Variants in PCLO observed in about 807,000 individuals in gnomAD.
PCLO encodes piccolo presynaptic cytomatrix protein.
In PCLO, 82 loss-of-function variants were observed where a neutral mutation model predicts 427.5. The observed-to-expected ratio is 0.19, with a 90% CI of 0.16 to 0.23. The LOEUF is 0.23. Ranked by LOEUF, PCLO falls within the 10% of genes least tolerant of loss-of-function variation. The pLI is 1.00. For missense variants in PCLO, 6,239 were observed against 6,115.9 expected, an observed-to-expected ratio of 1.02 and a Z score of -0.67; for synonymous variants, 2,357 against 2,155.4, an observed-to-expected ratio of 1.09 and a Z score of -2.59.
intron 10 of PCLO, among the ~76,000 whole-genome samples, chr7:82,863,398 A>T (rs1213118251): frequency 6.6e-6 from 1 of 151,988 alleles, no homozygotes; most frequent in African/African-American, 2.4e-5. Context: ...ATTTCATAAA[A>T]AGTGCAAATA....
intron 3 of PCLO, among the ~76,000 whole-genome samples, chr7:83,030,476 C>T (rs192360196): frequency 3.5e-4 from 53 of 152,266 alleles, no homozygotes; most frequent in Non-Finnish European, 5.1e-4. Context: ...GTAAATGACT[C>T]TACCCTTAAT....
intron 14 of PCLO, 83 bp downstream of exon 14, chr7:82,841,376 C>T (rs1304003274): frequency 6.2e-6 from 5 of 805,168 alleles, no homozygotes; most frequent in East Asian, 2.5e-5. Flanking sequence ...AAAATCCTAA[C>T]AGTGTGTTTA....
At chr7:83,118,832 A>G (rs1162812289) in intron 3 of PCLO, among the ~76,000 whole-genome samples, 1 of 152,188 alleles carries the variant, frequency 6.6e-6, no homozygotes, top group Non-Finnish European at 1.5e-5. Context: ...TGCTAGGCTC[A>G]GAACAGTGGA....
At chr7:82,879,924 ATTAT>A (rs1485856440) in intron 9 of PCLO, 8 of 417,914 alleles carry the variant, frequency 1.9e-5, no homozygotes, top group African/African-American at 6.3e-5. Flanking sequence ...TAATTTATAA[ATTAT>A]TTATTTTTCA....
At chr7:83,105,561 G>A (rs1790833318) in intron 3 of PCLO, among the ~76,000 whole-genome samples, 1 of 152,134 alleles carries the variant, frequency 6.6e-6, no homozygotes, top group Non-Finnish European at 1.5e-5. Context: ...TTCCCAAGCA[G>A]AGTGCCAATG....
intron 22 of PCLO, among the ~76,000 whole-genome samples, chr7:82,786,547 G>A (rs531759907): frequency 1.4e-4 from 21 of 152,052 alleles, no homozygotes; most frequent in Non-Finnish European, 2.5e-4. Context: ...ATTCTAGATC[G>A]TATTTTGCAA....
chr7:82,794,255 T>C (rs7799607), intron 22 of PCLO, among the ~76,000 whole-genome samples: 54,574 of 151,594 alleles, frequency 0.36, 10,416 homozygotes, highest in African/African-American at 0.46. Context: ...TTGTTTTCTT[T>C]AGTTTAAAGA....
At chr7:82,798,669 A>G (rs553851654) in intron 22 of PCLO, among the ~76,000 whole-genome samples, 2 of 152,238 alleles carry the variant, frequency 1.3e-5, no homozygotes, top group South Asian at 4.1e-4. Flanking sequence ...ATATTATTGC[A>G]GTTTTCTTCT....
chr7:83,072,253 AACC>A (rs1347568242), intron 3 of PCLO, among the ~76,000 whole-genome samples: 1 of 152,090 alleles, frequency 6.6e-6, no homozygotes, highest in East Asian at 1.9e-4. Flanking sequence ...TCAACATGAA[AACC>A]ACTTAAGTAT....
chr7:82,812,328 C>T (rs190417487), intron 20 of PCLO, among the ~76,000 whole-genome samples: 1 of 151,430 alleles, frequency 6.6e-6, no homozygotes, highest in Admixed American at 6.6e-5. Context: ...ACTAATAGCA[C>T]GGTATAGAGG....
chr7:83,145,718 C>G (rs929420538), intron 2 of PCLO, among the ~76,000 whole-genome samples: 1 of 152,148 alleles, frequency 6.6e-6, no homozygotes, highest in Non-Finnish European at 1.5e-5. Context: ...TGTTTACCTA[C>G]AATTTTAATT....
Position 82,950,019 on chromosome 7 carries a change from C to A in PCLO, c.10569G>T (p.Glu3523Asp), listed in dbSNP as rs368491340. The change falls in exon 6 of 25, where the codon GAG becomes GAT. Residue 3523 changes from glutamate to aspartate, a missense_variant. Transcript: ENST00000333891. ...VSSIAVQTVA[E>D]ISVQTEPVGT... is the part of the protein sequence containing the mutation. ...CAACTGGTTCAGTTTGCACAGATAT[C>A]TCTGCTACCGTTTGAACTGCTATGC... 1.4e-5 allele frequency: 22 copies of A among 1,613,058 alleles called. No homozygotes were observed. Among genetic ancestry groups the A allele is most frequent in the Non-Finnish European group, 1.7e-5 (20 of 1,179,762 alleles).
intron 3 of PCLO, among the ~76,000 whole-genome samples, chr7:83,015,870 C>G (rs1473444119): frequency 1.3e-5 from 2 of 152,090 alleles, no homozygotes; most frequent in African/African-American, 4.8e-5. Flanking sequence ...TCCTAAAGAA[C>G]ATATGTTTTT....
At chr7:83,160,754 T>C (rs1343503005) in intron 1 of PCLO, among the ~76,000 whole-genome samples, 1 of 152,124 alleles carries the variant, frequency 6.6e-6, no homozygotes, top group East Asian at 1.9e-4. Context: ...AAGTTAGAAA[T>C]CTAGAAATCA....
At position 83,155,339 on chromosome 7, in the gene PCLO, A is replaced by C. The variant is rs774616204; in HGVS notation, c.1302T>G (p.Pro434=). 1.2e-6 allele frequency: 2 copies of C among 1,613,488 alleles called. No homozygotes were observed. Residue 434 remains proline, a synonymous_variant, in exon 2 of 25, where the codon CCT becomes CCG. Coordinates refer to ENST00000333891, the MANE Select transcript of PCLO (RefSeq NM_033026.6). ...QPGLQSPAKA[P]GPTKTPVQQP... is the part of the protein sequence containing the mutation. ...GCTGAACTGGAGTCTTTGTAGGCCCAGGTGCCTTAGCTGGAGACTGTAGCC... is the reference window on the plus strand; with the variant it reads ...GCTGAACTGGAGTCTTTGTAGGCCCCGGTGCCTTAGCTGGAGACTGTAGCC...
chr7:82,785,451 C>T (rs1790965635), intron 22 of PCLO, among the ~76,000 whole-genome samples: 1 of 152,066 alleles, frequency 6.6e-6, no homozygotes, highest in Non-Finnish European at 1.5e-5. Flanking sequence ...TTGGGGACCC[C>T]TGTACTAGAA....
intron 8 of PCLO, among the ~76,000 whole-genome samples, chr7:82,907,764 T>C (rs1204110873): frequency 6.6e-6 from 1 of 151,860 alleles, no homozygotes; most frequent in Non-Finnish European, 1.5e-5. Context: ...TTCTAGAAAA[T>C]ATGATAGCAT....
Position 83,162,646 on chromosome 7 carries a change from G to A in PCLO, c.-54C>T, listed in dbSNP as rs566998519. The A allele has an allele frequency of 5.4e-6, 8 of 1,480,444 alleles. No individual in the cohort carries two copies. The Admixed American group carries it at 6.9e-5, about 13-fold the overall frequency. 91.7% of individuals were successfully genotyped at this position (1,480,444 alleles called of 1,614,324 possible). A position where few individuals can be genotyped will look rare whatever the true frequency, so the allele number is the denominator to read the frequency against. On this transcript the variant is annotated 5_prime_UTR_variant, in exon 1 of 25. Coordinates refer to ENST00000333891, the MANE Select transcript of PCLO (RefSeq NM_033026.6). ...TCCCTCCTCGCGCCGCGTCCCAGTC[G>A]AGAAGCCCGCGGCCAGGGGAGCAGT... is the stretch of plus-strand genomic sequence containing the variant.
chr7:82,796,848 A>G (rs1454440623), intron 22 of PCLO, among the ~76,000 whole-genome samples: 1 of 148,938 alleles, frequency 6.7e-6, no homozygotes, highest in Non-Finnish European at 1.5e-5. Context: ...AGATCAGTAT[A>G]TGTACTGAAT....
Sources: allele counts gnomAD v4.1 joint callset (sites outside exome capture counted in the v4.1 genomes callset), GRCh38; gene constraint gnomAD v4.1.1; transcripts MANE v1.5; gene names NCBI Gene and HGNC (gene_info 2026-07-23, HGNC 2026-07-21).